SMG6: variants seen among roughly 807,000 people sequenced by gnomAD.
The protein encoded by SMG6 is SMG6 nonsense mediated mRNA decay factor, also known as telomerase-binding protein EST1A.
SMG6 carries 66 observed loss-of-function variants against 142.2 expected under a neutral mutation model. That is an observed-to-expected ratio of 0.46 (90% confidence interval 0.38 to 0.57). SMG6 has a LOEUF of 0.57. Among genes scored for constraint, SMG6 ranks in the 20% least tolerant of loss-of-function variants. The probability of loss-of-function intolerance (pLI) is 0.00; values close to 1 mark genes in which losing one functional copy is unlikely to be tolerated. For synonymous variants in SMG6, 779 were observed against 702.4 expected (o/e 1.11, Z -1.72); for missense variants, 1,793 against 1,832.0 (o/e 0.98, Z 0.39).
chr17:2,266,174 G>A (rs1034676901), intron 8 of SMG6: 1 of 985,382 alleles, frequency 1.0e-6, no homozygotes, highest in Non-Finnish European at 1.2e-6. Context: ...ACCAAGGCCT[G>A]GAAATTCTGA....
At chr17:2,215,267 A>C (rs1336007188) in intron 10 of SMG6, among the ~76,000 whole-genome samples, 1 of 152,276 alleles carries the variant, frequency 6.6e-6, no homozygotes, top group African/African-American at 2.4e-5. Context: ...AGGATCTACT[A>C]TAACAGGATA....
At chr17:2,282,083 T>C (rs2074799544) in intron 8 of SMG6, among the ~76,000 whole-genome samples, 1 of 152,322 alleles carries the variant, frequency 6.6e-6, no homozygotes, top group Middle Eastern at 3.4e-3. Flanking sequence ...AGAGATCTTG[T>C]TCACTGTTAT....
chr17:2,220,792 G>A (rs534136202), intron 10 of SMG6, among the ~76,000 whole-genome samples: 2 of 152,238 alleles, frequency 1.3e-5, no homozygotes, highest in South Asian at 4.1e-4. Flanking sequence ...ATCAAACATT[G>A]TATAGTCAGT....
intron 13 of SMG6, among the ~76,000 whole-genome samples, chr17:2,104,461 C>T (rs1205597159): frequency 2.0e-5 from 3 of 151,826 alleles, no homozygotes; most frequent in African/African-American, 7.3e-5. Flanking sequence ...AGTGACAATG[C>T]ATACTGAACA....
Position 2,276,295 on chromosome 17 carries a change from C to T in SMG6, c.2661+6352G>A, listed in dbSNP as rs191270307. On this transcript the variant is annotated intron_variant, in intron 8 of 18. Coordinates refer to ENST00000263073, the MANE Select transcript of SMG6 (RefSeq NM_017575.5). ...CACAGGAATACACAAAGCATACACA[C>T]GCACACACCCCAAACATCTACAGCT... 3.2e-4 allele frequency among the ~76,000 whole-genome samples: 48 copies of T among 152,284 alleles called. No homozygotes were observed. In the East Asian group the frequency reaches 8.1e-3, roughly 26 times the overall value.
chr17:2,063,234 T>C (rs2067836973), intron 18 of SMG6: 1 of 152,252 alleles, frequency 6.6e-6, no homozygotes, highest in South Asian at 2.1e-4. Flanking sequence ...AAACATCCTC[T>C]GTTTTGACAC....
rs1597318541 is a variant in SMG6, at chr17:2,064,925, T to C, written c.4129+148A>G. The C allele has an allele frequency of 4.2e-5, 25 of 599,416 alleles. No homozygotes were observed. The South Asian group carries it at 5.6e-4, about 13-fold the overall frequency. 37.1% of individuals were successfully genotyped at this position (599,416 alleles called of 1,614,324 possible). A position where few individuals can be genotyped will look rare whatever the true frequency, so the allele number is the denominator to read the frequency against. ...GGCTGGGGGAGCCAGGACAGGGAGG[T>C]TGGGCCTCAGGCATACATCAGCCCT... On this transcript the variant is annotated intron_variant, in intron 18 of 18. Transcript: ENST00000263073.
rs1182416457 is a variant in SMG6 at position 2,204,232 on chromosome 17, G to A, written c.2870-15717C>T. Among the ~76,000 whole-genome samples, 6 of 152,192 alleles carry A rather than the reference G, an allele frequency of 3.9e-5. No homozygotes were observed. In the East Asian group the frequency reaches 1.2e-3, roughly 29 times the overall value. On this transcript the variant is annotated intron_variant, in intron 10 of 18. Coordinates refer to ENST00000263073, the MANE Select transcript of SMG6 (RefSeq NM_017575.5). ...TACCTAGAATAAAAAGGACCTCTTG[G>A]AGGCCTTCTGAGAAGTTAGCTTTTT...
intron 18 of SMG6, among the ~76,000 whole-genome samples, chr17:2,064,722 A>C (rs1204202828): frequency 6.6e-6 from 1 of 151,596 alleles, no homozygotes; most frequent in Non-Finnish European, 1.5e-5. Context: ...TCGGGAGACC[A>C]TGGCCAGCAC....
intron 13 of SMG6, among the ~76,000 whole-genome samples, chr17:2,115,608 TA>T (rs767609929): frequency 2.0e-5 from 3 of 152,174 alleles, no homozygotes; most frequent in Non-Finnish European, 4.4e-5. Flanking sequence ...GATCTTTCAA[TA>T]AAATGAACCA....
chr17:2,167,258 G>T (rs1203062681), intron 13 of SMG6, among the ~76,000 whole-genome samples: 3 of 149,742 alleles, frequency 2.0e-5, no homozygotes, highest in Non-Finnish European at 4.4e-5. Flanking sequence ...ACCTGAACTA[G>T]AAGTAGTAAA....
chr17:2,303,725 G>C lies in SMG6; in HGVS notation c.-5C>G, dbSNP rs765106366. ...ACGCTCCAGCCCTTCCGCCATCTTCGCGGCTGCTGCTACAGCCGTAGCGGC... is the reference window on the plus strand; with the variant it reads ...ACGCTCCAGCCCTTCCGCCATCTTCCCGGCTGCTGCTACAGCCGTAGCGGC... On this transcript the variant is annotated 5_prime_UTR_variant, in exon 1 of 19. Coordinates refer to ENST00000263073, the MANE Select transcript of SMG6 (RefSeq NM_017575.5). 6.7e-7 allele frequency: 1 copy of C among 1,491,578 alleles called. No individual in the cohort carries two copies. Among genetic ancestry groups the C allele is most frequent in the Non-Finnish European group, 8.9e-7 (1 of 1,127,078 alleles). The allele number at this position is 1,491,578 out of a possible 1,614,324, so 92.4% of individuals were successfully genotyped here.
At position 2,282,831 on chromosome 17, in the gene SMG6, T is replaced by C. The variant is rs142250229; in HGVS notation, c.2477A>G (p.Glu826Gly). ...KAEQMEKKQH[E>G]EFDLSPDQWR... is the part of the protein sequence containing the mutation. ...CTGGTCAGGGCTCAGGTCAAATTCC[T>C]CATGTTGCTTCTTTTCCATCTGTTC... Residue 826 changes from glutamate to glycine, a missense_variant, in exon 8 of 19, where the codon GAG (glutamate) becomes GGG (glycine). Glu to Gly is a moderately conservative substitution (Grantham distance 98). This residue lies in a region of SMG6 where 1,597 missense variants were observed against 1,584.6 expected (regional missense o/e 1.01). Transcript: ENST00000263073. 1 of 1,614,038 alleles carries C rather than the reference T, an allele frequency of 6.2e-7. No homozygotes were observed. The highest frequency in any genetic ancestry group is 8.5e-7 in the Non-Finnish European group (1 of 1,180,032).
chr17:2,212,897 T>C (rs1187270157), intron 10 of SMG6, among the ~76,000 whole-genome samples: 1 of 152,250 alleles, frequency 6.6e-6, no homozygotes, highest in African/African-American at 2.4e-5. Context: ...CTGCATGCAA[T>C]GCTCAGGGCA....
At chr17:2,110,844 A>G (rs993736794) in intron 13 of SMG6, among the ~76,000 whole-genome samples, 1 of 152,182 alleles carries the variant, frequency 6.6e-6, no homozygotes, top group African/African-American at 2.4e-5. Context: ...GTCATCAACA[A>G]ATTTGAAGGC....
chr17:2,216,642 C>T (rs1197836994), intron 10 of SMG6, among the ~76,000 whole-genome samples: 1 of 152,120 alleles, frequency 6.6e-6, no homozygotes. Flanking sequence ...TGATTAGGCA[C>T]CTAACTTTTT....
chr17:2,069,743 A>C (rs577528799), intron 15 of SMG6, among the ~76,000 whole-genome samples: 1 of 152,324 alleles, frequency 6.6e-6, no homozygotes, highest in East Asian at 1.9e-4. Context: ...GACTCAACTC[A>C]TGTGTCTGCA....
chr17:2,247,013 A>C (rs2073942860), intron 8 of SMG6, among the ~76,000 whole-genome samples: 1 of 152,182 alleles, frequency 6.6e-6, no homozygotes, highest in Admixed American at 6.5e-5. Flanking sequence ...CTGCAAAATA[A>C]ATTGCCCATG....
At chr17:2,263,788 G>A (rs567821699) in intron 8 of SMG6, among the ~76,000 whole-genome samples, 14 of 152,266 alleles carry the variant, frequency 9.2e-5, no homozygotes, top group East Asian at 1.9e-4. Flanking sequence ...GCAGACTGGG[G>A]AAGGATCACG....
Sources: allele counts gnomAD v4.1 joint callset (sites outside exome capture counted in the v4.1 genomes callset), GRCh38; gene constraint gnomAD v4.1.1; regional missense constraint gnomAD v4.1.1; transcripts MANE v1.5; gene names NCBI Gene and HGNC (gene_info 2026-07-23, HGNC 2026-07-21).